HSP90AA1: variants seen among roughly 807,000 people sequenced by gnomAD.
The protein encoded by HSP90AA1 is heat shock protein HSP 90-alpha.
Under a neutral mutation model 73.3 loss-of-function variants are expected in HSP90AA1, and 18 were observed. The ratio of observed to expected loss-of-function variants is 0.25; its 90% CI spans 0.17 to 0.36. HSP90AA1 has a LOEUF of 0.36. HSP90AA1 is among the 10% of genes least tolerant of loss of function. The probability of loss-of-function intolerance (pLI) is 1.00; values close to 1 mark genes in which losing one functional copy is unlikely to be tolerated. For missense variants in HSP90AA1, 704 were observed against 874.2 expected (o/e 0.81, Z 2.45); for synonymous variants, 477 against 296.9 (o/e 1.61, Z -6.24).
At chr14:102,099,798 G>A (rs564839074) in intron 2 of HSP90AA1, among the ~76,000 whole-genome samples, 22 of 152,274 alleles carry the variant, frequency 1.4e-4, no homozygotes, top group African/African-American at 4.8e-4. Context: ...GCCCAGCGGC[G>A]GGTTTCCTGA....
intron 1 of HSP90AA1, among the ~76,000 whole-genome samples, chr14:102,122,213 A>G (rs1437368610): frequency 6.6e-6 from 1 of 151,464 alleles, no homozygotes; most frequent in African/African-American, 2.4e-5. Flanking sequence ...CATCTCTATC[A>G]TATGTCCATT....
rs577790121 is a variant in HSP90AA1 at position 102,134,896 on chromosome 14, C to G, written c.155+4354G>C. ...CTTATCTGGCCCCACCCACATCCTGCTGATTGGTAGAGCCGAGTGGCCTGT... is the reference window on the plus strand; with the variant it reads ...CTTATCTGGCCCCACCCACATCCTGGTGATTGGTAGAGCCGAGTGGCCTGT... On this transcript the variant is annotated intron_variant, in intron 1 of 11. Transcript: ENST00000334701. Among the ~76,000 whole-genome samples, 33 of 152,336 alleles carry G rather than the reference C, an allele frequency of 2.2e-4. 1 individual carries two copies. Among genetic ancestry groups the G allele is most frequent in the African/African-American group, 7.9e-4 (33 of 41,578 alleles).
chr14:102,086,497 A>G, intron 1 of HSP90AA1, 119 bp from the exon 2 acceptor site: 2 of 1,140,896 alleles, frequency 1.8e-6, no homozygotes, highest in Non-Finnish European at 2.7e-6. Flanking sequence ...AGTTTAAGTA[A>G]ACCGAAAATA....
intron 6 of HSP90AA1, 52 bp downstream of exon 6, chr14:102,084,347 G>T: frequency 6.4e-7 from 1 of 1,555,590 alleles, no homozygotes; most frequent in Admixed American, 1.7e-5. Context: ...TGCCCACCCA[G>T]AAAGTACTTC....
chr14:102,118,945 C>T (rs2049741298), intron 1 of HSP90AA1, among the ~76,000 whole-genome samples: 1 of 151,488 alleles, frequency 6.6e-6, no homozygotes, highest in African/African-American at 2.4e-5. Context: ...ACCTCCACCT[C>T]CCAGGCTCAA....
At chr14:102,092,891 G>A (rs570808462) in intron 2 of HSP90AA1, among the ~76,000 whole-genome samples, 20 of 151,890 alleles carry the variant, frequency 1.3e-4, no homozygotes, top group Admixed American at 2.6e-4. Flanking sequence ...GCTGGGACAC[G>A]TGCGCCACCA....
At chr14:102,135,293 TAC>T (rs1315864213) in intron 1 of HSP90AA1, among the ~76,000 whole-genome samples, 5 of 147,682 alleles carry the variant, frequency 3.4e-5, no homozygotes, top group Admixed American at 6.7e-5. Context: ...TTGAGCTAGA[TAC>T]AGAGTGCCGA....
rs2049244465 is a variant in HSP90AA1, at chr14:102,086,619, C to A, written c.1-241G>T. Among the ~76,000 whole-genome samples the A allele has an allele frequency of 2.0e-5, 3 of 151,650 alleles. No individual in the cohort carries two copies. In the South Asian group the frequency reaches 6.2e-4, roughly 31 times the overall value. On this transcript the variant is annotated intron_variant, in intron 1 of 10. Coordinates refer to ENST00000216281, the MANE Select transcript of HSP90AA1 (RefSeq NM_005348.4). ...CCGGGCCCAGTCCCCCGCCGCGGTC[C>A]CCAACGAACACCCCGGGTGCCCTCC... is the stretch of plus-strand genomic sequence containing the variant.
chr14:102,110,130 T>A lies in HSP90AA1; in HGVS notation c.156-8045A>T, dbSNP rs1007641595. Among the ~76,000 whole-genome samples, 17 of 152,134 alleles carry A rather than the reference T, an allele frequency of 1.1e-4. No homozygotes were observed. The Middle Eastern group carries it at 0.01, about 91-fold the overall frequency. ...TTGTATTTTTAGTAGAGACAGGGTT[T>A]CACCATATTGGCCAGGCTGGTCTCG... On this transcript the variant is annotated intron_variant, in intron 1 of 11. Coordinates refer to the HSP90AA1 transcript ENST00000334701.
chr14:102,117,538 C>T (rs768933115), intron 1 of HSP90AA1, among the ~76,000 whole-genome samples: 40 of 152,174 alleles, frequency 2.6e-4, no homozygotes, highest in Non-Finnish European at 4.0e-4. Flanking sequence ...AGAGGAGCTA[C>T]CCTCTTTGCT....
rs67718946 is a variant in HSP90AA1, at chr14:102,129,974, GT to G, written c.155+9275del. 9.9e-3 allele frequency among the ~76,000 whole-genome samples: 1,496 copies of G among 150,828 alleles called. 14 individuals carry two copies. Among genetic ancestry groups the G allele is most frequent in the African/African-American group, 0.021 (847 of 41,006 alleles). On this transcript the variant is annotated intron_variant, in intron 1 of 11. Coordinates refer to the HSP90AA1 transcript ENST00000334701. ...AGTTTTTGTGTGAAATTTTTTTTTT[GT>G]TTTGTTTTGTTTTGAGATGGAGTCT...
upstream of HSP90AA1, among the ~76,000 whole-genome samples, chr14:102,087,774 T>TA (rs2049282363): frequency 6.6e-6 from 1 of 152,130 alleles, no homozygotes; most frequent in African/African-American, 2.4e-5. Context: ...GCTTCATACT[T>TA]AAGGGTCCCT....
At position 102,080,957 on chromosome 14, in the gene HSP90AA1, TCTC is replaced by T. The variant is rs2049084494; in HGVS notation, c.*752_*754del. The T allele has an allele frequency of 4.4e-6, 1 of 227,602 alleles. No homozygotes were observed. The highest frequency in any genetic ancestry group is 2.2e-5 in the African/African-American group (1 of 44,984). 14.1% of individuals were successfully genotyped at this position (227,602 alleles called of 1,614,324 possible). Reference sequence around the variant, plus strand: ...CCTTGGAGCAGCTAGTGTTTAACCATCTCCTGCTAGCGCCTCATGTTTTACATT... The same window carrying T: ...CCTTGGAGCAGCTAGTGTTTAACCATCTGCTAGCGCCTCATGTTTTACATT... On this transcript the variant is annotated 3_prime_UTR_variant, in exon 11 of 11. Coordinates refer to ENST00000216281, the MANE Select transcript of HSP90AA1 (RefSeq NM_005348.4).
chr14:102,137,103 A>G (rs2152628550), intron 1 of HSP90AA1, among the ~76,000 whole-genome samples: 1 of 151,902 alleles, frequency 6.6e-6, no homozygotes, highest in South Asian at 2.1e-4. Flanking sequence ...AATCCCAGCT[A>G]TTCGGGAGAC....
intron 1 of HSP90AA1, among the ~76,000 whole-genome samples, 174 bp downstream of exon 1, chr14:102,086,812 G>C (rs1402804513): frequency 1.3e-5 from 2 of 151,720 alleles, no homozygotes; most frequent in African/African-American, 4.8e-5. Flanking sequence ...CTGAAGCGGG[G>C]TGCGGAAACC....
upstream of HSP90AA1, among the ~76,000 whole-genome samples, chr14:102,088,494 G>A (rs182508904): frequency 4.8e-3 from 724 of 152,360 alleles, 2 homozygotes; most frequent in Non-Finnish European, 6.2e-3. Flanking sequence ...AAGAGCGTGT[G>A]AAATCAACAT....
At chr14:102,085,713 C>T in intron 3 of HSP90AA1, 45 bp downstream of exon 3, 1 of 1,613,090 alleles carries the variant, frequency 6.2e-7, no homozygotes, top group Non-Finnish European at 8.5e-7. Context: ...TGCAGCACCC[C>T]ACCCTTCCAC....
rs72478870 is a variant in HSP90AA1, at chr14:102,136,213, G to C, written c.155+3037C>G. 3.9e-3 allele frequency among the ~76,000 whole-genome samples: 587 copies of C among 152,316 alleles called. 9 individuals are homozygous for C. In the East Asian group the frequency reaches 0.049, roughly 13 times the overall value. Reference sequence around the variant, plus strand: ...AATTAATGCACAAAACCATCATAATGATTCAAGTTTGAAATGAAAAAATAA... The same window carrying C: ...AATTAATGCACAAAACCATCATAATCATTCAAGTTTGAAATGAAAAAATAA... On this transcript the variant is annotated intron_variant, in intron 1 of 11. Coordinates refer to the HSP90AA1 transcript ENST00000334701.
intron 1 of HSP90AA1, among the ~76,000 whole-genome samples, chr14:102,127,714 T>G (rs751635391): frequency 4.6e-5 from 7 of 152,150 alleles, no homozygotes; most frequent in Non-Finnish European, 7.3e-5. Context: ...TGCAGTGTTA[T>G]GAACACAGCT....
Sources: gnomAD v4.1 joint callset for allele counts (sites outside exome capture counted in the v4.1 genomes callset) on GRCh38, gnomAD v4.1.1 for gene constraint, MANE v1.5 for transcripts, NCBI Gene and HGNC (gene_info 2026-07-23, HGNC 2026-07-21) for gene names.